The following CSMD1 variants were observed in gnomAD, a reference collection of about 807,000 sequenced individuals.
The protein encoded by CSMD1 is CUB and Sushi multiple domains 1.
Under a neutral mutation model 417.5 loss-of-function variants are expected in CSMD1, and 213 were observed. That is an observed-to-expected ratio of 0.51 (90% CI 0.46 to 0.57). CSMD1 has a LOEUF of 0.57. Among genes scored for constraint, CSMD1 ranks in the 20% least tolerant of loss-of-function variants. The pLI is 0.00. For synonymous variants in CSMD1, 2,862 were observed against 1,736.8 expected (o/e 1.65, Z -16.11); for missense variants, 6,923 against 4,529.7 (o/e 1.53, Z -15.17).
At chr8:3,740,287 G>C (rs1043472132) in intron 6 of CSMD1, among the ~76,000 whole-genome samples, 1 of 152,062 alleles carries the variant, frequency 6.6e-6, no homozygotes, top group Admixed American at 6.6e-5. Flanking sequence ...TCTATTTTTA[G>C]TACAGATGGG....
intron 5 of CSMD1, among the ~76,000 whole-genome samples, chr8:3,857,510 A>G (rs1309854060): frequency 6.6e-6 from 1 of 152,202 alleles, no homozygotes; most frequent in Non-Finnish European, 1.5e-5. Context: ...GTCCAGAAAT[A>G]GTAGATGATT....
chr8:3,110,190 C>T lies in CSMD1; in HGVS notation c.6576G>A (p.Gln2192=). The change falls in exon 43 of 70, where the codon CAG becomes CAA. Residue 2192 remains glutamine (Q), a synonymous_variant. Transcript: ENST00000635120. ...HGVYINFTLL[Q]TEAVNDYIAV... Reference sequence around the variant, plus strand: ...CAATGTAATCGTTGACAGCTTCCGTCTGTAACAGGGTGAAGTTGATGTAAA... The same window carrying T: ...CAATGTAATCGTTGACAGCTTCCGTTTGTAACAGGGTGAAGTTGATGTAAA... The T allele has an allele frequency of 6.2e-7, 1 of 1,612,006 alleles. No individual in the cohort carries two copies. Among genetic ancestry groups the T allele is most frequent in the Non-Finnish European group, 8.5e-7 (1 of 1,179,130 alleles).
At chr8:3,479,718 A>C (rs1458946876) in intron 11 of CSMD1, among the ~76,000 whole-genome samples, 2 of 152,354 alleles carry the variant, frequency 1.3e-5, no homozygotes, top group African/African-American at 2.4e-5. Context: ...GGACACAATC[A>C]TCACACCAAG....
chr8:4,216,715 G>T (rs935031269), intron 3 of CSMD1, among the ~76,000 whole-genome samples: 1 of 152,148 alleles, frequency 6.6e-6, no homozygotes. Context: ...TAGGAGGAGG[G>T]GGTATAAACG....
intron 7 of CSMD1, among the ~76,000 whole-genome samples, chr8:3,627,272 T>G (rs531802606): frequency 6.6e-6 from 1 of 152,182 alleles, no homozygotes; most frequent in Non-Finnish European, 1.5e-5. Context: ...CATGCCCATT[T>G]TGAAAATACC....
intron 3 of CSMD1, among the ~76,000 whole-genome samples, chr8:4,270,133 G>T (rs1804492206): frequency 6.6e-6 from 1 of 152,182 alleles, no homozygotes; most frequent in Admixed American, 6.5e-5. Flanking sequence ...GGTTGTGATA[G>T]GGAGGCTGGA....
chr8:3,324,171 T>C (rs1366896048), intron 23 of CSMD1, among the ~76,000 whole-genome samples: 1 of 116,894 alleles, frequency 8.6e-6, no homozygotes. Context: ...GGAGGGGGAG[T>C]TTCCTTCACC....
chr8:3,894,854 G>C (rs935496807), intron 5 of CSMD1, among the ~76,000 whole-genome samples: 1 of 152,130 alleles, frequency 6.6e-6, no homozygotes. Flanking sequence ...CTATTCTAAA[G>C]GAACATTATT....
At chr8:3,428,967 T>G (rs1012709066) in intron 12 of CSMD1, among the ~76,000 whole-genome samples, 1 of 152,110 alleles carries the variant, frequency 6.6e-6, no homozygotes, top group Non-Finnish European at 1.5e-5. Flanking sequence ...CATCTCACTT[T>G]TACGGAGAAC....
intron 8 of CSMD1, among the ~76,000 whole-genome samples, chr8:3,599,342 G>A (rs1801249018): frequency 6.6e-6 from 1 of 152,048 alleles, no homozygotes; most frequent in Non-Finnish European, 1.5e-5. Context: ...AAATTCTCAG[G>A]ATGCAACACG....
chr8:4,701,859 A>G (rs993738340), intron 1 of CSMD1, among the ~76,000 whole-genome samples: 3 of 152,224 alleles, frequency 2.0e-5, no homozygotes, highest in Admixed American at 6.5e-5. Context: ...TTAAGAATCA[A>G]CAGATGCATC....
intron 22 of CSMD1, among the ~76,000 whole-genome samples, chr8:3,346,967 C>T (rs758809234): frequency 5.3e-5 from 8 of 152,256 alleles, no homozygotes; most frequent in South Asian, 2.1e-4. Flanking sequence ...GGTGACTGGA[C>T]GGATGATTTA....
intron 3 of CSMD1, among the ~76,000 whole-genome samples, chr8:4,094,009 G>C (rs551843606): frequency 1.3e-5 from 2 of 148,320 alleles, no homozygotes; most frequent in Non-Finnish European, 3.0e-5. Context: ...TAGATAGATA[G>C]ATAAAGAAAA....
rs73660720 is a variant in CSMD1, at chr8:4,268,629, C to T, written c.415+151324G>A. 9.4e-3 allele frequency among the ~76,000 whole-genome samples: 1,431 copies of T among 152,092 alleles called. 21 individuals are homozygous for T. Among genetic ancestry groups the T allele is most frequent in the African/African-American group, 0.033 (1,367 of 41,492 alleles). ...GTAGCTATGGGATTACAGTCAAGTT[C>T]ACAGAAAACCTAAAAATCTCTGTAA... On this transcript the variant is annotated intron_variant, in intron 3 of 69. Transcript: ENST00000635120.
intron 3 of CSMD1, among the ~76,000 whole-genome samples, chr8:4,199,550 G>C (rs141047603): frequency 1.3e-5 from 2 of 151,960 alleles, no homozygotes; most frequent in Non-Finnish European, 2.9e-5. Flanking sequence ...GAATCCTCTC[G>C]GCTACCAAAG....
chr8:4,421,621 A>G (rs1797252200), intron 2 of CSMD1, among the ~76,000 whole-genome samples: 1 of 152,104 alleles, frequency 6.6e-6, no homozygotes. Flanking sequence ...GGAAAATAAA[A>G]ATACAGATAA....
chr8:4,635,597 T>C (rs1248357213), intron 2 of CSMD1, among the ~76,000 whole-genome samples: 1 of 152,168 alleles, frequency 6.6e-6, no homozygotes, highest in Non-Finnish European at 1.5e-5. Flanking sequence ...AATTTTAACG[T>C]AGAGTCACAC....
chr8:3,679,573 C>T (rs1162249215), intron 7 of CSMD1, among the ~76,000 whole-genome samples: 1 of 152,100 alleles, frequency 6.6e-6, no homozygotes, highest in Non-Finnish European at 1.5e-5. Context: ...TAGACTCCCA[C>T]ACAATAATAA....
Position 4,397,736 on chromosome 8 carries a change from A to G in CSMD1, c.415+22217T>C, listed in dbSNP as rs575983914. The stretch of plus-strand genomic sequence containing the variant: ...ACTAGATTTGAATCTCAAAATACAA[A>G]TATGTTTGAATAACAAAGACATGAA... On this transcript the variant is annotated intron_variant, in intron 3 of 69. Coordinates refer to ENST00000635120, the MANE Select transcript of CSMD1 (RefSeq NM_033225.6). Among the ~76,000 whole-genome samples, 314 of 152,152 alleles carry G rather than the reference A, an allele frequency of 2.1e-3. 1 individual carries two copies. The highest frequency in any genetic ancestry group is 7.2e-3 in the African/African-American group (301 of 41,526).
Sources: allele counts gnomAD v4.1 joint callset (sites outside exome capture counted in the v4.1 genomes callset), GRCh38; gene constraint gnomAD v4.1.1; transcripts MANE v1.5; gene names NCBI Gene and HGNC (gene_info 2026-07-23, HGNC 2026-07-21).